Variants in IL1RAPL1 observed in about 807,000 individuals in gnomAD.
IL1RAPL1 encodes interleukin 1 receptor accessory protein like 1, also known as interleukin-1 receptor accessory protein-like 1.
In IL1RAPL1, 3 loss-of-function variants were observed where a neutral mutation model predicts 48.4. That is an observed-to-expected ratio of 0.06 (90% CI 0.03 to 0.16). The LOEUF (loss-of-function observed/expected upper bound fraction) is 0.16, where lower values mean the gene tolerates loss of function less well. Among genes scored for constraint, IL1RAPL1 ranks in the 10% least tolerant of loss-of-function variants. The pLI is 1.00. For synonymous variants in IL1RAPL1, 185 were observed against 187.7 expected (o/e 0.99, Z 0.12); for missense variants, 349 against 530.6 (o/e 0.66, Z 3.36).
At chrX:29,907,987 A>AT (rs1932675139) in intron 6 of IL1RAPL1, among the ~76,000 whole-genome samples, 1 of 111,646 alleles carries the variant, frequency 9.0e-6, no homozygotes, top group African/African-American at 3.2e-5. Context: ...CAAAACTATG[A>AT]TAAAAATCAG....
intron 1 of IL1RAPL1, among the ~76,000 whole-genome samples, chrX:28,724,844 A>G (rs981350580): frequency 9.0e-6 from 1 of 110,573 alleles, no homozygotes; most frequent in African/African-American, 3.3e-5. Flanking sequence ...ATTAAAACAT[A>G]TGTGAGAGAG....
chrX:28,840,820 G>A (rs1921352044), intron 2 of IL1RAPL1, among the ~76,000 whole-genome samples: 1 of 110,486 alleles, frequency 9.1e-6, no homozygotes, highest in East Asian at 2.8e-4. Flanking sequence ...GAATGAGACA[G>A]ATACAGTAGT....
chrX:28,944,869 G>T (rs1383334508), intron 2 of IL1RAPL1, among the ~76,000 whole-genome samples: 1 of 109,558 alleles, frequency 9.1e-6, no homozygotes, highest in Non-Finnish European at 1.9e-5. Context: ...CACTTTCACT[G>T]TTAATTACCT....
chrX:29,800,725 C>G (rs890780469), intron 6 of IL1RAPL1, among the ~76,000 whole-genome samples: 6 of 105,728 alleles, frequency 5.7e-5, no homozygotes, highest in Non-Finnish European at 1.2e-4. Context: ...TGGCTCACGC[C>G]TGTAATCCCA....
At chrX:29,615,491 T>C (rs1924259748) in intron 5 of IL1RAPL1, among the ~76,000 whole-genome samples, 1 of 111,029 alleles carries the variant, frequency 9.0e-6, no homozygotes, top group Non-Finnish European at 1.9e-5. Flanking sequence ...TCTGAGGGTA[T>C]GCTTTGCAGC....
intron 5 of IL1RAPL1, among the ~76,000 whole-genome samples, chrX:29,666,025 C>G (rs985467522): frequency 1.8e-5 from 2 of 110,550 alleles, no homozygotes; most frequent in Non-Finnish European, 3.8e-5. Flanking sequence ...TTTTGGCAAG[C>G]CTTTTGATCT....
intron 6 of IL1RAPL1, among the ~76,000 whole-genome samples, chrX:29,771,853 C>T (rs775118267): frequency 7.2e-5 from 8 of 111,570 alleles, no homozygotes; most frequent in African/African-American, 2.3e-4. Context: ...CTCACAGTTC[C>T]ACGTGCCTGG....
intron 2 of IL1RAPL1, among the ~76,000 whole-genome samples, chrX:29,241,697 C>T (rs934726164): frequency 1.2e-4 from 14 of 112,055 alleles, no homozygotes; most frequent in African/African-American, 4.2e-4. Flanking sequence ...TTTCTGAGTT[C>T]AATTCCAATG....
intron 2 of IL1RAPL1, among the ~76,000 whole-genome samples, chrX:29,070,929 G>T (rs186855093): frequency 5.3e-4 from 59 of 110,525 alleles, no homozygotes; most frequent in Non-Finnish European, 9.5e-5. Flanking sequence ...CAAAAAACAG[G>T]GTCCTAGAAT....
chrX:29,657,797 A>G (rs1263026144), intron 5 of IL1RAPL1, among the ~76,000 whole-genome samples: 1 of 100,466 alleles, frequency 1.0e-5, no homozygotes, highest in Non-Finnish European at 2.0e-5. Flanking sequence ...GGAATAGACT[A>G]TTGTTCCTAG....
At chrX:29,292,289 A>G (rs1414824640) in intron 3 of IL1RAPL1, among the ~76,000 whole-genome samples, 1 of 111,632 alleles carries the variant, frequency 9.0e-6, no homozygotes, top group African/African-American at 3.3e-5. Context: ...AACCAACACA[A>G]ATTATGAATG....
intron 5 of IL1RAPL1, among the ~76,000 whole-genome samples, chrX:29,544,723 ATGTGTG>A (rs61595803): frequency 1.9e-4 from 19 of 101,962 alleles, no homozygotes; most frequent in African/African-American, 3.2e-4. Context: ...TGTGGAGATG[ATGTGTG>A]TGTGTGTGTG....
intron 6 of IL1RAPL1, among the ~76,000 whole-genome samples, chrX:29,702,286 T>C (rs1927074433): frequency 9.4e-6 from 1 of 105,865 alleles, no homozygotes; most frequent in East Asian, 3.0e-4. Context: ...AGGAATAGAC[T>C]CTCCAGGTAA....
At chrX:29,046,389 A>T (rs1479949385) in intron 2 of IL1RAPL1, among the ~76,000 whole-genome samples, 1 of 111,175 alleles carries the variant, frequency 9.0e-6, no homozygotes, top group African/African-American at 3.3e-5. Flanking sequence ...GTACTTGTGA[A>T]ACATGGATAT....
intron 5 of IL1RAPL1, among the ~76,000 whole-genome samples, chrX:29,539,790 A>C (rs1052171932): frequency 7.2e-5 from 8 of 111,347 alleles, no homozygotes; most frequent in African/African-American, 2.6e-4. Context: ...AGAAGCCACT[A>C]TGCTTCCTGT....
chrX:29,337,873 C>G (rs1306915565), intron 3 of IL1RAPL1, among the ~76,000 whole-genome samples: 1 of 110,601 alleles, frequency 9.0e-6, no homozygotes. Flanking sequence ...CAGAGTTTCA[C>G]CATGTTGGCC....
chrX:29,486,203 A>C (rs1297754299), intron 5 of IL1RAPL1, among the ~76,000 whole-genome samples: 2 of 110,916 alleles, frequency 1.8e-5, no homozygotes, highest in East Asian at 5.7e-4. Flanking sequence ...TGTAGATCCC[A>C]GGTTCCATTC....
intron 5 of IL1RAPL1, among the ~76,000 whole-genome samples, chrX:29,511,712 C>T (rs1003615400): frequency 9.0e-5 from 10 of 111,267 alleles, no homozygotes; most frequent in Admixed American, 2.9e-4. Context: ...ATTCAGTAAA[C>T]GAGCCAGATT....
At chrX:29,722,946 G>A (rs1047654844) in intron 6 of IL1RAPL1, among the ~76,000 whole-genome samples, 1 of 111,993 alleles carries the variant, frequency 8.9e-6, no homozygotes, top group African/African-American at 3.2e-5. Flanking sequence ...TGCAGATCTT[G>A]CACATTTCTT....
Sources: gnomAD v4.1 joint callset for allele counts (sites outside exome capture counted in the v4.1 genomes callset) on GRCh38, gnomAD v4.1.1 for gene constraint, MANE v1.5 for transcripts, NCBI Gene and HGNC (gene_info 2026-07-23, HGNC 2026-07-21) for gene names.